FAH: variants seen among roughly 807,000 people sequenced by gnomAD.
FAH encodes the protein fumarylacetoacetate hydrolase.
A neutral mutation model predicts 55.8 loss-of-function variants in FAH; 47 were observed. The observed-to-expected ratio is 0.84, with a 90% CI of 0.67 to 1.07. FAH has a LOEUF of 1.07. Ranked by LOEUF, FAH falls within the 50% of genes least tolerant of loss-of-function variation. FAH has a pLI of 0.00. For synonymous variants in FAH, 199 were observed against 207.7 expected, an observed-to-expected ratio of 0.96 and a Z score of 0.36; for missense variants, 495 against 545.9, an observed-to-expected ratio of 0.91 and a Z score of 0.93.
intron 4 of FAH, among the ~76,000 whole-genome samples, chr15:80,160,913 G>T (rs987421107): frequency 6.6e-6 from 1 of 152,190 alleles, no homozygotes; most frequent in Non-Finnish European, 1.5e-5. Flanking sequence ...AGAGAGAGAG[G>T]CTGGCTCAGC....
intron 9 of FAH, chr15:80,173,423 C>T: frequency 1.9e-6 from 1 of 535,370 alleles, no homozygotes. Flanking sequence ...GGGATCTGGC[C>T]AGTTGGCAGG....
At chr15:80,169,593 G>A (rs1383966660) in intron 7 of FAH, among the ~76,000 whole-genome samples, 3 of 151,490 alleles carry the variant, frequency 2.0e-5, no homozygotes, top group Non-Finnish European at 4.4e-5. Flanking sequence ...GAGTGCAGTG[G>A]CACTATCTCG....
intron 12 of FAH, 111 bp from the exon 13 acceptor site, chr15:80,180,931 C>T: frequency 1.2e-6 from 1 of 823,308 alleles, no homozygotes; most frequent in Non-Finnish European, 2.1e-6. Flanking sequence ...CTCTGAGGGG[C>T]ATGAGGGCCC....
intron 1 of FAH, among the ~76,000 whole-genome samples, chr15:80,155,314 A>C (rs2041088901): frequency 6.6e-6 from 1 of 152,204 alleles, no homozygotes; most frequent in South Asian, 2.1e-4. Context: ...TCTTTGTGGC[A>C]TGAATAGCGT....
intron 13 of FAH, among the ~76,000 whole-genome samples, chr15:80,185,250 G>GA (rs1567123191): frequency 6.6e-6 from 1 of 152,182 alleles, no homozygotes; most frequent in Admixed American, 6.5e-5. Context: ...CACTTACAGG[G>GA]AATTTCAAAT....
At chr15:80,160,013 C>G in intron 3 of FAH, 136 bp downstream of exon 3, 1 of 1,132,776 alleles carries the variant, frequency 8.8e-7, no homozygotes, top group Non-Finnish European at 1.3e-6. Context: ...CATCCAGCCC[C>G]TGCCTGAGCT....
intron 5 of FAH, among the ~76,000 whole-genome samples, chr15:80,165,059 T>C (rs1321432276): frequency 7.9e-5 from 12 of 152,224 alleles, no homozygotes; most frequent in Admixed American, 7.2e-4. Context: ...ACAAGACAAT[T>C]ACACAGTAAA....
At chr15:80,177,037 C>T (rs1401145822) in intron 10 of FAH, among the ~76,000 whole-genome samples, 2 of 152,136 alleles carry the variant, frequency 1.3e-5, no homozygotes, top group Non-Finnish European at 2.9e-5. Context: ...GGCAACAGCC[C>T]GGTACCTTGC....
At chr15:80,186,061 C>G in intron 13 of FAH, 69 bp from the exon 14 acceptor site, 1 of 1,279,730 alleles carries the variant, frequency 7.8e-7, no homozygotes, top group Non-Finnish European at 1.1e-6. Flanking sequence ...CGGGCACTGC[C>G]GCTGCCTAGG....
intron 2 of FAH, among the ~76,000 whole-genome samples, chr15:80,158,374 C>T (rs1325197703): frequency 6.6e-6 from 1 of 152,216 alleles, no homozygotes; most frequent in Non-Finnish European, 1.5e-5. Flanking sequence ...GGCTTCTCAC[C>T]TCAGGGCGAG....
intron 1 of FAH, among the ~76,000 whole-genome samples, chr15:80,155,338 G>T (rs1429200911): frequency 6.6e-6 from 1 of 152,164 alleles, no homozygotes; most frequent in Non-Finnish European, 1.5e-5. Context: ...CCCTGTGTCT[G>T]TTCTTGTGGT....
chr15:80,179,864 G>T lies in FAH; in HGVS notation c.961-260G>T, dbSNP rs76264940. 4.9e-3 allele frequency among the ~76,000 whole-genome samples: 752 copies of T among 152,304 alleles called. 8 individuals are homozygous for T. Among genetic ancestry groups the T allele is most frequent in the African/African-American group, 0.017 (720 of 41,544 alleles). On this transcript the variant is annotated intron_variant, in intron 11 of 13. Coordinates refer to ENST00000561421, the MANE Select transcript of FAH (RefSeq NM_000137.4). Reference sequence around the variant, plus strand: ...GGATGCTGCTTGGAGAAGGTGGTCAGTGTGGGCTTGAGGTAGCAGAGGAGC... The same window carrying T: ...GGATGCTGCTTGGAGAAGGTGGTCATTGTGGGCTTGAGGTAGCAGAGGAGC...
intron 9 of FAH, 76 bp downstream of exon 9, chr15:80,173,220 T>A (rs1464402259): frequency 5.7e-6 from 9 of 1,573,638 alleles, no homozygotes; most frequent in Non-Finnish European, 7.9e-6. Flanking sequence ...TGAGTGGACA[T>A]GCCAGGCATG....
chr15:80,166,126 C>T (rs949581484), intron 5 of FAH: 11 of 151,800 alleles, frequency 7.2e-5, no homozygotes, highest in Admixed American at 5.3e-4. Flanking sequence ...CATATATTTT[C>T]TTTTTCTTTT....
chr15:80,163,071 T>TA (rs1236591123), intron 5 of FAH: 1 of 154,444 alleles, frequency 6.5e-6, no homozygotes, highest in East Asian at 1.9e-4. Context: ...GACGGGGCTT[T>TA]ACTCTCTCTC....
rs118156390 is a variant in FAH at position 80,155,576 on chromosome 15, G to A, written c.81+2441G>A. ...GGGTTTTCTCCCTGTGTGCGGAAAC[G>A]AGAGATTGTAAGAAATAAAGACACA... On this transcript the variant is annotated intron_variant, in intron 1 of 13. Coordinates refer to ENST00000561421, the MANE Select transcript of FAH (RefSeq NM_000137.4). Among the ~76,000 whole-genome samples the A allele has an allele frequency of 2.8e-3, 432 of 152,246 alleles. 14 individuals carry two copies. In the East Asian group the frequency reaches 0.075, roughly 27 times the overall value.
intron 4 of FAH, 141 bp downstream of exon 4, chr15:80,160,600 C>T (rs995085275): frequency 9.0e-6 from 7 of 780,534 alleles, no homozygotes; most frequent in Middle Eastern, 2.3e-4. Context: ...GGCTGTTACC[C>T]GCTCCTCATC....
At chr15:80,179,251 T>C (rs1240593598) in intron 11 of FAH, among the ~76,000 whole-genome samples, 1 of 152,252 alleles carries the variant, frequency 6.6e-6, no homozygotes, top group Non-Finnish European at 1.5e-5. Context: ...TAATGACTAA[T>C]GCAGCTGGGC....
intron 1 of FAH, among the ~76,000 whole-genome samples, chr15:80,154,759 G>T (rs1225041316): frequency 6.6e-6 from 1 of 152,216 alleles, no homozygotes; most frequent in Admixed American, 6.5e-5. Context: ...CTCTGGTCCA[G>T]ATTTTGCCTG....
Sources: gnomAD v4.1 joint callset for allele counts (sites outside exome capture counted in the v4.1 genomes callset) on GRCh38, gnomAD v4.1.1 for gene constraint, MANE v1.5 for transcripts, NCBI Gene and HGNC (gene_info 2026-07-23, HGNC 2026-07-21) for gene names.